Variants in OXNAD1 observed in about 807,000 individuals in gnomAD.
The protein encoded by OXNAD1 is oxidoreductase NAD-binding domain-containing protein 1.
Under a neutral mutation model 32.9 loss-of-function variants are expected in OXNAD1, and 34 were observed. The observed-to-expected ratio is 1.03, with a 90% confidence interval of 0.79 to 1.38. The LOEUF (loss-of-function observed/expected upper bound fraction) is 1.38, where lower values mean the gene tolerates loss of function less well. Ranked by LOEUF, OXNAD1 falls within the 40% of genes most tolerant of loss-of-function variation. The probability of loss-of-function intolerance (pLI) is 0.00; values close to 1 mark genes in which losing one functional copy is unlikely to be tolerated. For missense variants in OXNAD1, 407 were observed against 379.4 expected, an observed-to-expected ratio of 1.07 and a Z score of -0.60; for synonymous variants, 134 against 135.2, an observed-to-expected ratio of 0.99 and a Z score of 0.06.
At chr3:16,294,719 T>G (rs1395689076) in intron 5 of OXNAD1, 137 bp from the exon 6 acceptor site, 2 of 826,524 alleles carry the variant, frequency 2.4e-6, no homozygotes, top group African/African-American at 3.5e-5. Context: ...TCTATAAGCT[T>G]TGTGATGATA....
chr3:16,298,609 C>A lies in OXNAD1; in HGVS notation c.433-3017C>A, dbSNP rs1052410656. ...CTCCTGAGGATTTGTCTTATTAAGC[C>A]ATTCGAGTGGACAATGGAGGCACGT... On this transcript the variant is annotated intron_variant, in intron 6 of 8. Transcript: ENST00000285083. The surrounding 1 kb of genome is among the most constrained non-coding windows in gnomAD (Gnocchi z 5.1). Among the ~76,000 whole-genome samples, 1 of 152,198 alleles carries A rather than the reference C, an allele frequency of 6.6e-6. No individual in the cohort carries two copies. Among genetic ancestry groups the A allele is most frequent in the South Asian group, 2.1e-4 (1 of 4,812 alleles).
Position 16,302,724 on chromosome 3 carries a change from G to A in OXNAD1, c.760G>A (p.Ala254Thr), listed in dbSNP as rs1200641449. 3.7e-6 allele frequency: 6 copies of A among 1,612,836 alleles called. No individual in the cohort carries two copies. The highest frequency in any genetic ancestry group is 4.2e-6 in the Non-Finnish European group (5 of 1,179,014). Residue 254 changes from alanine (A) to threonine (T), a missense_variant, in exon 8 of 9, where the codon GCG (alanine) becomes ACG (threonine). Transcript: ENST00000285083. The surrounding 1 kb of genome is among the most constrained non-coding windows in gnomAD (Gnocchi z 4.2). The part of the protein sequence containing the change: ...HVTKQTTQIN[A>T]ELKPYITEGR... Reference sequence around the variant, plus strand: ...TACAAAACAGACTACACAAATCAATGCGGAACTCAAGCCATACATCACGGG... The same window carrying A: ...TACAAAACAGACTACACAAATCAATACGGAACTCAAGCCATACATCACGGG...
chr3:16,330,465 C>A (rs2070198919), intron 9 of OXNAD1, among the ~76,000 whole-genome samples: 1 of 152,216 alleles, frequency 6.6e-6, no homozygotes. Context: ...GGAAGGCTCT[C>A]TTTGATCTGC....
At chr3:16,300,021 G>C (rs1251712790) in intron 6 of OXNAD1, among the ~76,000 whole-genome samples, 1 of 152,208 alleles carries the variant, frequency 6.6e-6, no homozygotes, top group Non-Finnish European at 1.5e-5. Flanking sequence ...AGGGGTGGCA[G>C]ATGAGGCTCA....
rs1229425990 is a variant in OXNAD1, at chr3:16,301,823, A to G, written c.630A>G (p.Ile210Met). Reference protein sequence around the residue: ...NKRNGYEIGTIKLFYSAKNTS... With the variant: ...NKRNGYEIGTMKLFYSAKNTS... ...GAAATGGATATGAGATAGGAACAAT[A>G]AAACTATTCTACAGTGCAAAAAATA... Residue 210 changes from isoleucine (I) to methionine (M), a missense_variant, in exon 7 of 9, where the codon ATA becomes ATG. By Grantham distance (10) the Ile-to-Met change is conservative. Transcript: ENST00000285083. The surrounding 1 kb of genome is among the most constrained non-coding windows in gnomAD (Gnocchi z 4.1). 6.2e-7 allele frequency: 1 copy of G among 1,614,114 alleles called. No homozygotes were observed. The highest frequency in any genetic ancestry group is 1.1e-5 in the South Asian group (1 of 91,088).
Position 16,303,692 on chromosome 3 carries a change from C to T in OXNAD1, c.*130C>T. On this transcript the variant is annotated 3_prime_UTR_variant, in exon 9 of 9. Coordinates refer to ENST00000285083, the MANE Select transcript of OXNAD1 (RefSeq NM_138381.5). This position sits in a 1 kb window ranked among gnomAD's most constrained non-coding sequence, Gnocchi z 4.8. ...TTTTTTAAGGCTATAAACTTAGTGACCAGCTGGATAATAAAAGCCAGCTGG... is the reference window on the plus strand; with the variant it reads ...TTTTTTAAGGCTATAAACTTAGTGATCAGCTGGATAATAAAAGCCAGCTGG... The T allele has an allele frequency of 9.7e-7, 1 of 1,029,114 alleles. No individual in the cohort carries two copies. Among genetic ancestry groups the T allele is most frequent in the Admixed American group, 3.4e-5 (1 of 29,184 alleles). 63.7% of individuals were successfully genotyped at this position (1,029,114 alleles called of 1,614,324 possible). A position where few individuals can be genotyped will look rare whatever the true frequency, so the allele number is the denominator to read the frequency against.
rs1312585456 is a variant in OXNAD1, at chr3:16,277,741, A to T, written c.183+6019A>T. Among the ~76,000 whole-genome samples the T allele has an allele frequency of 6.6e-6, 1 of 152,166 alleles. No homozygotes were observed. The highest frequency in any genetic ancestry group is 6.5e-5 in the Admixed American group (1 of 15,276). On this transcript the variant is annotated intron_variant, in intron 4 of 8. Transcript: ENST00000285083. This position sits in a 1 kb window ranked among gnomAD's most constrained non-coding sequence, Gnocchi z 4.3. ...GGTTTTGGGCATGTATTTCCTCTGG[A>T]AAGTTTACTGAATGACCATTTATGA... is the stretch of plus-strand genomic sequence containing the variant.
At chr3:16,328,043 C>T (rs756129317) in intron 9 of OXNAD1, among the ~76,000 whole-genome samples, 1 of 152,186 alleles carries the variant, frequency 6.6e-6, no homozygotes, top group Non-Finnish European at 1.5e-5. Flanking sequence ...CCACATAGTT[C>T]ATTTATCAGG....
At chr3:16,351,738 G>T (rs1297363473), downstream of OXNAD1, among the ~76,000 whole-genome samples, 1 of 152,166 alleles carries the variant, frequency 6.6e-6, no homozygotes, top group Non-Finnish European at 1.5e-5. The surrounding 1 kb of genome is among the most constrained non-coding windows in gnomAD (Gnocchi z 5.4). Context: ...TGATTTAAAA[G>T]CATATAAACT....
At chr3:16,306,565 C>A (rs1370773727), downstream of OXNAD1, among the ~76,000 whole-genome samples, 1 of 152,104 alleles carries the variant, frequency 6.6e-6, no homozygotes, top group Non-Finnish European at 1.5e-5. Flanking sequence ...TAATTAATGG[C>A]ACACTCCTTA....
rs973525981 is a variant in OXNAD1 at position 16,298,841 on chromosome 3, A to G, written c.433-2785A>G. On this transcript the variant is annotated intron_variant, in intron 6 of 8. Coordinates refer to ENST00000285083, the MANE Select transcript of OXNAD1 (RefSeq NM_138381.5). The surrounding 1 kb of genome is among the most constrained non-coding windows in gnomAD (Gnocchi z 5.1). ...ACCAAAATTAGATACATTGCTGTGT[A>G]ATTGAAGGTAATGTCCTTTTATTCA... Among the ~76,000 whole-genome samples the G allele has an allele frequency of 6.6e-5, 10 of 152,180 alleles. No homozygotes were observed. Among genetic ancestry groups the G allele is most frequent in the African/African-American group, 2.2e-4 (9 of 41,442 alleles).
rs983658277 is a variant in OXNAD1, at chr3:16,294,476, T to G, written c.291-380T>G. 3.9e-5 allele frequency among the ~76,000 whole-genome samples: 6 copies of G among 152,246 alleles called. No individual in the cohort carries two copies. The East Asian group carries it at 9.6e-4, about 24-fold the overall frequency. On this transcript the variant is annotated intron_variant, in intron 5 of 8. Transcript: ENST00000285083. ...CACCTGCTTTGGCCTCCCAAAGTGC[T>G]GGGATTACAGGCGTGAGCCACTGCG...
chr3:16,295,720 T>C (rs564719243), intron 6 of OXNAD1, among the ~76,000 whole-genome samples: 2 of 152,336 alleles, frequency 1.3e-5, no homozygotes, highest in East Asian at 1.9e-4. Context: ...AAGAGTGTCT[T>C]CTATATTTAC....
intron 9 of OXNAD1, chr3:16,347,821 A>G (rs1290160474): frequency 6.6e-6 from 1 of 152,240 alleles, no homozygotes; most frequent in Non-Finnish European, 1.5e-5. Flanking sequence ...AATATTCCTC[A>G]ATGGGACTTT....
At chr3:16,338,787 G>T (rs2071099313), downstream of OXNAD1, among the ~76,000 whole-genome samples, 1 of 152,196 alleles carries the variant, frequency 6.6e-6, no homozygotes, top group East Asian at 1.9e-4. This position sits in a 1 kb window ranked among gnomAD's most constrained non-coding sequence, Gnocchi z 5.3. Flanking sequence ...AGAGAAAAGG[G>T]ATTGAAAAAA....
At position 16,269,249 on chromosome 3, in the gene OXNAD1, A is replaced by C; in HGVS notation, c.-35A>C. 2 of 1,535,396 alleles carry C rather than the reference A, an allele frequency of 1.3e-6. No homozygotes were observed. The highest frequency in any genetic ancestry group is 1.7e-6 in the Non-Finnish European group (2 of 1,146,774). On this transcript the variant is annotated 5_prime_UTR_variant, in exon 2 of 9. Transcript: ENST00000285083. ...CAATCAGCTGACCATATACTTAATG[A>C]CTCCTAAAATCTCGTGGACTTCTAA...
In OXNAD1 at chr3:16,322,963, G is replaced by A. The variant is rs936530120; in HGVS notation, c.*31-14149G>A. On this transcript the variant is annotated intron_variant, in intron 9 of 9. Coordinates refer to the OXNAD1 transcript ENST00000435829. This position sits in a 1 kb window ranked among gnomAD's most constrained non-coding sequence, Gnocchi z 6.2. Reference sequence around the variant, plus strand: ...ATCCCCACACTTTTAATGTCCTAAGGAATCTTAACAGGGCAGGCCAGAGCT... The same window carrying A: ...ATCCCCACACTTTTAATGTCCTAAGAAATCTTAACAGGGCAGGCCAGAGCT... 2.6e-5 allele frequency among the ~76,000 whole-genome samples: 4 copies of A among 152,130 alleles called. No individual in the cohort carries two copies. Among genetic ancestry groups the A allele is most frequent in the Non-Finnish European group, 4.4e-5 (3 of 68,026 alleles).
In OXNAD1 at chr3:16,321,788, C is replaced by T. The variant is rs1200554600; in HGVS notation, c.*31-15324C>T. Among the ~76,000 whole-genome samples, 1 of 152,212 alleles carries T rather than the reference C, an allele frequency of 6.6e-6. No homozygotes were observed. The highest frequency in any genetic ancestry group is 2.4e-5 in the African/African-American group (1 of 41,442). On this transcript the variant is annotated intron_variant, in intron 9 of 9. Coordinates refer to the OXNAD1 transcript ENST00000435829. The surrounding 1 kb of genome is among the most constrained non-coding windows in gnomAD (Gnocchi z 4.8). ...GACTGAAAAAACAGTGGGTCCCATC[C>T]TCTCTGAATTTTCCCTGAGGAGAGT...
In OXNAD1 at chr3:16,346,867, G is replaced by A. The variant is rs2071755767; in HGVS notation, c.*31-2309G>A. On this transcript the variant is annotated intron_variant, in intron 9 of 9. Coordinates refer to the OXNAD1 transcript ENST00000606098. This position sits in a 1 kb window ranked among gnomAD's most constrained non-coding sequence, Gnocchi z 4.4. Reference sequence around the variant, plus strand: ...GGCTGAGGATGAGTACAGAAAGATGGCAACATCTGGATCCCTGGTGGCATC... The same window carrying A: ...GGCTGAGGATGAGTACAGAAAGATGACAACATCTGGATCCCTGGTGGCATC... Among the ~76,000 whole-genome samples, 1 of 152,136 alleles carries A rather than the reference G, an allele frequency of 6.6e-6. No homozygotes were observed. The highest frequency in any genetic ancestry group is 1.5e-5 in the Non-Finnish European group (1 of 68,022).
Sources: allele counts gnomAD v4.1 joint callset (sites outside exome capture counted in the v4.1 genomes callset), GRCh38; gene constraint gnomAD v4.1.1; non-coding constraint Gnocchi (gnomAD v3.1); transcripts MANE v1.5; gene names NCBI Gene and HGNC (gene_info 2026-07-23, HGNC 2026-07-21).